Variants in DOCK4 observed in about 807,000 individuals in gnomAD.
The protein encoded by DOCK4 is dedicator of cytokinesis protein 4.
DOCK4 carries 97 observed loss-of-function variants against 268.1 expected under a neutral mutation model. The ratio of observed to expected loss-of-function variants is 0.36; its 90% CI spans 0.31 to 0.43. The LOEUF is 0.43. Among genes scored for constraint, DOCK4 ranks in the 20% least tolerant of loss-of-function variants. The probability of loss-of-function intolerance (pLI) is 1.00; values close to 1 mark genes in which losing one functional copy is unlikely to be tolerated. For missense variants in DOCK4, 2,145 were observed against 2,455.7 expected (o/e 0.87, Z 2.67); for synonymous variants, 954 against 887.2 (o/e 1.08, Z -1.34).
At chr7:112,119,235 C>T (rs937796054) in intron 1 of DOCK4, among the ~76,000 whole-genome samples, 1 of 152,132 alleles carries the variant, frequency 6.6e-6, no homozygotes, top group African/African-American at 2.4e-5. Context: ...AATGGAGAAT[C>T]CCAGAAGCTT....
At chr7:111,907,383 A>T (rs114214468) in intron 13 of DOCK4, among the ~76,000 whole-genome samples, 8 of 152,316 alleles carry the variant, frequency 5.3e-5, no homozygotes, top group African/African-American at 1.9e-4. Flanking sequence ...GAGCATGGAT[A>T]AACTGTGGTT....
At chr7:112,041,626 G>T (rs960148268) in intron 1 of DOCK4, among the ~76,000 whole-genome samples, 5 of 152,098 alleles carry the variant, frequency 3.3e-5, no homozygotes, top group African/African-American at 1.2e-4. Context: ...TCTGTTTCTT[G>T]TTCCATTTCA....
intron 35 of DOCK4, among the ~76,000 whole-genome samples, chr7:111,780,481 G>T (rs1319891239): frequency 6.6e-6 from 1 of 152,006 alleles, no homozygotes; most frequent in Non-Finnish European, 1.5e-5. Context: ...TAGCTTTCTG[G>T]TAAGAAGCAG....
At position 111,978,105 on chromosome 7, in the gene DOCK4, G is replaced by A. The variant is rs1255681490; in HGVS notation, c.550-822C>T. ...CCAAGCCCTGGGAACACAATGATGA[G>A]TAAAATCAGAAACAGTTCACACCTT... On this transcript the variant is annotated intron_variant, in intron 7 of 52. Coordinates refer to ENST00000428084, the MANE Select transcript of DOCK4 (RefSeq NM_001363540.2). Among the ~76,000 whole-genome samples, 7 of 152,144 alleles carry A rather than the reference G, an allele frequency of 4.6e-5. No individual in the cohort carries two copies. In the East Asian group the frequency reaches 5.8e-4, roughly 13 times the overall value.
intron 12 of DOCK4, among the ~76,000 whole-genome samples, chr7:111,935,071 C>G (rs553257383): frequency 8.6e-5 from 13 of 151,400 alleles, no homozygotes; most frequent in South Asian, 6.3e-4. Context: ...CTCAACCTCC[C>G]GAGTAGCTGG....
chr7:111,998,433 A>G lies in DOCK4; in HGVS notation c.218+15T>C. On this transcript the variant is annotated intron_variant, in intron 4 of 52. Coordinates refer to ENST00000428084, the MANE Select transcript of DOCK4 (RefSeq NM_001363540.2). ...TGTGAAAATCCTCCAACTACTAATA[A>G]AACTCATTTCTTACCCTTTGTTCTT... 6.4e-7 allele frequency: 1 copy of G among 1,555,452 alleles called. No individual in the cohort carries two copies. The highest frequency in any genetic ancestry group is 8.7e-7 in the Non-Finnish European group (1 of 1,146,810).
chr7:111,772,053 T>A (rs1252038106), intron 36 of DOCK4, among the ~76,000 whole-genome samples: 1 of 152,148 alleles, frequency 6.6e-6, no homozygotes, highest in African/African-American at 2.4e-5. Context: ...GCGATGAAAG[T>A]CAAATTTACA....
intron 16 of DOCK4, among the ~76,000 whole-genome samples, chr7:111,885,955 T>C (rs918146726): frequency 7.2e-5 from 11 of 152,210 alleles, no homozygotes; most frequent in Non-Finnish European, 1.3e-4. Context: ...GGTACAGCAA[T>C]GAATACTGCA....
At chr7:111,896,763 C>T (rs7809927) in intron 15 of DOCK4, among the ~76,000 whole-genome samples, 72,422 of 151,876 alleles carry the variant, frequency 0.48, 19,219 homozygotes, top group African/African-American at 0.73. Flanking sequence ...TTGCTCCAGG[C>T]ATTTAAGCAC....
Position 111,935,523 on chromosome 7 carries a change from C to T in DOCK4, c.1066+17G>A. ...GAACGAAAAGTGTAGGGAAAGTCAG[C>T]CAGCCCATACACTCACCTGCATTGG... On this transcript the variant is annotated intron_variant, in intron 12 of 52. Transcript: ENST00000428084. 6.2e-7 allele frequency: 1 copy of T among 1,608,908 alleles called. No individual in the cohort carries two copies. Among genetic ancestry groups the T allele is most frequent in the Non-Finnish European group, 8.5e-7 (1 of 1,176,228 alleles).
At chr7:111,857,660 C>T (rs562612794) in intron 23 of DOCK4, among the ~76,000 whole-genome samples, 81 of 152,262 alleles carry the variant, frequency 5.3e-4, no homozygotes, top group Non-Finnish European at 8.8e-4. Flanking sequence ...TGGTGACAAA[C>T]GCAAAGTGAA....
chr7:111,738,383 G>A (rs1254687667), intron 49 of DOCK4, among the ~76,000 whole-genome samples: 1 of 152,188 alleles, frequency 6.6e-6, no homozygotes, highest in East Asian at 1.9e-4. Flanking sequence ...GATAGGAATC[G>A]ATTGCAGCTC....
chr7:112,159,622 G>A (rs1816909680), intron 1 of DOCK4, among the ~76,000 whole-genome samples: 1 of 151,914 alleles, frequency 6.6e-6, no homozygotes, highest in African/African-American at 2.4e-5. Flanking sequence ...TTCCGTCCAA[G>A]TCTTATCCAT....
At chr7:112,129,215 A>C (rs1813569878) in intron 1 of DOCK4, among the ~76,000 whole-genome samples, 1 of 152,258 alleles carries the variant, frequency 6.6e-6, no homozygotes, top group Non-Finnish European at 1.5e-5. Context: ...CTATTCAGCA[A>C]TAAAAAGGAG....
Position 111,847,172 on chromosome 7 carries a change from G to A in DOCK4, c.2474-46C>T, listed in dbSNP as rs571376794. ...AGTGTCACATCTGTTGGAGTCCCAC[G>A]CAATACCTAGGGCAAATCCTTATCT... On this transcript the variant is annotated intron_variant, in intron 23 of 52. Coordinates refer to ENST00000428084, the MANE Select transcript of DOCK4 (RefSeq NM_001363540.2). 21 of 1,609,064 alleles carry A rather than the reference G, an allele frequency of 1.3e-5. No individual in the cohort carries two copies. The East Asian group carries it at 2.2e-4, about 17-fold the overall frequency.
intron 8 of DOCK4, among the ~76,000 whole-genome samples, chr7:111,970,883 T>C (rs904736725): frequency 1.3e-5 from 2 of 152,142 alleles, no homozygotes; most frequent in African/African-American, 4.8e-5. Flanking sequence ...AAAACACACT[T>C]TGCAGGCTTA....
At chr7:111,745,553 G>T (rs1213367027) in intron 44 of DOCK4, among the ~76,000 whole-genome samples, 1 of 151,710 alleles carries the variant, frequency 6.6e-6, no homozygotes, top group African/African-American at 2.4e-5. Context: ...GTGTGGTGGC[G>T]GGCACTTGTG....
intron 1 of DOCK4, among the ~76,000 whole-genome samples, chr7:112,030,862 C>T (rs1803214293): frequency 6.6e-6 from 1 of 152,174 alleles, no homozygotes; most frequent in South Asian, 2.1e-4. Flanking sequence ...GAATTTTGGG[C>T]GATTGTCATT....
Position 112,206,255 on chromosome 7 carries a change from G to T in DOCK4, c.-117C>A. ...TGCCGGAGCCCAGCGGCTTCGCGCG[G>T]GCTGCGGGCGCTGGGCAGGATCTGC... On this transcript the variant is annotated 5_prime_UTR_variant, in exon 1 of 53. Transcript: ENST00000428084. The T allele has an allele frequency of 1.7e-6, 2 of 1,194,066 alleles. No individual in the cohort carries two copies. The highest frequency in any genetic ancestry group is 2.4e-6 in the Non-Finnish European group (2 of 838,064). 74.0% of individuals were successfully genotyped at this position (1,194,066 alleles called of 1,614,324 possible). A position where few individuals can be genotyped will look rare whatever the true frequency, so the allele number is the denominator to read the frequency against.
Sources: gnomAD v4.1 joint callset for allele counts (sites outside exome capture counted in the v4.1 genomes callset) on GRCh38, gnomAD v4.1.1 for gene constraint, MANE v1.5 for transcripts, NCBI Gene and HGNC (gene_info 2026-07-23, HGNC 2026-07-21) for gene names.